Variants in ANKRD33B observed in about 807,000 individuals in gnomAD.
ANKRD33B encodes the protein ankyrin repeat domain-containing protein 33B.
ANKRD33B carries 6 observed loss-of-function variants against 21.5 expected under a neutral mutation model. The ratio of observed to expected loss-of-function variants is 0.28; its 90% CI spans 0.15 to 0.55. The LOEUF (loss-of-function observed/expected upper bound fraction) is 0.55, where lower values mean the gene tolerates loss of function less well. Among genes scored for constraint, ANKRD33B ranks in the 20% least tolerant of loss-of-function variants. ANKRD33B has a pLI of 0.94. For synonymous variants in ANKRD33B, 347 were observed against 342.4 expected (o/e 1.01, Z -0.15); for missense variants, 698 against 747.2 (o/e 0.93, Z 0.77).
In ANKRD33B at chr5:10,633,958, T is replaced by A. The variant is rs1384571158; in HGVS notation, c.497-4070T>A. On this transcript the variant is annotated intron_variant, in intron 2 of 3. Transcript: ENST00000296657. The stretch of plus-strand genomic sequence containing the variant: ...GTAATAGTCTTTCACAGGAAGTCAG[T>A]GCACGCAGCCCGCGGGTTAAGGAGG... Among the ~76,000 whole-genome samples the A allele has an allele frequency of 2.6e-5, 4 of 152,186 alleles. No homozygotes were observed. The East Asian group carries it at 7.7e-4, about 29-fold the overall frequency.
rs1026554857 is a variant in ANKRD33B, at chr5:10,651,002, G to A, written c.*889G>A. On this transcript the variant is annotated 3_prime_UTR_variant, in exon 4 of 4. Coordinates refer to ENST00000296657, the MANE Select transcript of ANKRD33B (RefSeq NM_001164440.2). ...ATGATTACCAGAAATACAAAATTAA[G>A]CCATATGTGCTCTTAAGTAATTCGA... 4 of 152,268 alleles carry A rather than the reference G, an allele frequency of 2.6e-5. No homozygotes were observed. Among genetic ancestry groups the A allele is most frequent in the African/African-American group, 9.7e-5 (4 of 41,422 alleles). 9.4% of individuals were successfully genotyped at this position (152,268 alleles called of 1,614,324 possible).
intron 3 of ANKRD33B, among the ~76,000 whole-genome samples, chr5:10,639,609 A>C (rs1376878917): frequency 2.1e-5 from 1 of 48,628 alleles, no homozygotes; most frequent in African/African-American, 1.2e-4. Context: ...GGTGACGCGG[A>C]GTTGCGCGGC....
At chr5:10,571,004 A>G (rs1735175733) in intron 1 of ANKRD33B, among the ~76,000 whole-genome samples, 1 of 150,378 alleles carries the variant, frequency 6.6e-6, no homozygotes, top group African/African-American at 2.5e-5. Flanking sequence ...TTGTGTTTAT[A>G]ACATTGTAAT....
At chr5:10,610,575 T>A (rs1205321585) in intron 1 of ANKRD33B, among the ~76,000 whole-genome samples, 1 of 152,236 alleles carries the variant, frequency 6.6e-6, no homozygotes, top group East Asian at 1.9e-4. Context: ...TTGGACACAG[T>A]GTCTATCAGT....
chr5:10,575,392 C>T (rs1338283862), intron 1 of ANKRD33B, among the ~76,000 whole-genome samples: 1 of 147,334 alleles, frequency 6.8e-6, no homozygotes, highest in Non-Finnish European at 1.5e-5. Context: ...CACCACTCCA[C>T]TCGAGCCTGG....
At chr5:10,600,905 G>A (rs1214833343) in intron 1 of ANKRD33B, among the ~76,000 whole-genome samples, 3 of 151,856 alleles carry the variant, frequency 2.0e-5, no homozygotes, top group East Asian at 1.9e-4. Context: ...TGTGACTAAC[G>A]ATATCGAGCC....
At chr5:10,613,628 G>A (rs1448623163) in intron 1 of ANKRD33B, among the ~76,000 whole-genome samples, 3 of 151,964 alleles carry the variant, frequency 2.0e-5, no homozygotes, top group Non-Finnish European at 4.4e-5. Flanking sequence ...GAATCATATG[G>A]GGTGGCTCAC....
intron 1 of ANKRD33B, among the ~76,000 whole-genome samples, chr5:10,592,667 C>T (rs954762808): frequency 6.6e-6 from 1 of 151,728 alleles, no homozygotes; most frequent in Non-Finnish European, 1.5e-5. Flanking sequence ...AAATAGAATC[C>T]TGCAGATGAG....
Position 10,564,843 on chromosome 5 carries a change from C to T in ANKRD33B, c.366+10C>T, listed in dbSNP as rs747071791. 68 of 1,487,530 alleles carry T rather than the reference C, an allele frequency of 4.6e-5. No homozygotes were observed. The African/African-American group carries it at 8.9e-4, about 19-fold the overall frequency. The allele number at this position is 1,487,530 out of a possible 1,614,324, so 92.1% of individuals were successfully genotyped here. On this transcript the variant is annotated intron_variant, in intron 1 of 3. Transcript: ENST00000296657. ...TGACCGCAACGGCAGGGTAAGCGGG[C>T]GTCCCCGCAGGATTTGAGCCCCCTC...
chr5:10,590,603 C>CGT (rs1428718802), intron 1 of ANKRD33B, among the ~76,000 whole-genome samples: 5 of 94,474 alleles, frequency 5.3e-5, no homozygotes, highest in Admixed American at 1.9e-4. Flanking sequence ...CGCGCGCGCG[C>CGT]GCGCGTGTGT....
intron 2 of ANKRD33B, among the ~76,000 whole-genome samples, chr5:10,632,930 G>GGT (rs1171717718): frequency 1.3e-5 from 2 of 151,838 alleles, no homozygotes; most frequent in East Asian, 1.9e-4. Flanking sequence ...TGGGATTACA[G>GGT]GCACCCGCCA....
chr5:10,582,316 C>T (rs879931271), intron 1 of ANKRD33B, among the ~76,000 whole-genome samples: 10 of 152,204 alleles, frequency 6.6e-5, no homozygotes, highest in South Asian at 2.1e-4. Flanking sequence ...GCTGTCCCTG[C>T]GTTTCTGGCT....
chr5:10,603,333 G>T (rs942570035), intron 1 of ANKRD33B, among the ~76,000 whole-genome samples: 1 of 151,964 alleles, frequency 6.6e-6, no homozygotes, highest in African/African-American at 2.4e-5. Context: ...AGTGATCTCA[G>T]TTCACTGCAA....
chr5:10,621,734 A>G (rs1245613982), intron 2 of ANKRD33B, among the ~76,000 whole-genome samples: 1 of 152,256 alleles, frequency 6.6e-6, no homozygotes. Context: ...TTAATATCCT[A>G]TAAGGCAATA....
chr5:10,623,304 C>T (rs1319240819), intron 2 of ANKRD33B, among the ~76,000 whole-genome samples: 1 of 152,096 alleles, frequency 6.6e-6, no homozygotes, highest in Admixed American at 6.5e-5. Flanking sequence ...GGTGTAATAC[C>T]CCATCCTCCT....
intron 1 of ANKRD33B, among the ~76,000 whole-genome samples, chr5:10,573,490 C>CTTCCAAT (rs1188133915): frequency 6.7e-6 from 1 of 149,960 alleles, no homozygotes; most frequent in Non-Finnish European, 1.5e-5. Flanking sequence ...AAAAAAACCT[C>CTTCCAAT]TTCCAATTCT....
intron 1 of ANKRD33B, among the ~76,000 whole-genome samples, chr5:10,580,868 C>T (rs1735430142): frequency 6.6e-6 from 1 of 152,134 alleles, no homozygotes; most frequent in Non-Finnish European, 1.5e-5. Context: ...TTTTCATGAA[C>T]ATATTTAGAT....
intron 3 of ANKRD33B, among the ~76,000 whole-genome samples, chr5:10,646,534 A>C (rs1014021383): frequency 1.3e-5 from 2 of 152,218 alleles, no homozygotes; most frequent in Non-Finnish European, 2.9e-5. Context: ...ATCAGGACGA[A>C]GAGTGCAAAA....
At chr5:10,581,999 A>G (rs955384189) in intron 1 of ANKRD33B, among the ~76,000 whole-genome samples, 2 of 152,216 alleles carry the variant, frequency 1.3e-5, no homozygotes, top group African/African-American at 2.4e-5. Context: ...GAGCCTCCTC[A>G]GGCTCACGCA....
Sources: gnomAD v4.1 joint callset for allele counts (sites outside exome capture counted in the v4.1 genomes callset) on GRCh38, gnomAD v4.1.1 for gene constraint, MANE v1.5 for transcripts, NCBI Gene and HGNC (gene_info 2026-07-23, HGNC 2026-07-21) for gene names.